The following PRKN variants were observed in gnomAD, a reference collection of about 807,000 sequenced individuals.
PRKN encodes the protein parkin RBR E3 ubiquitin protein ligase.
Under a neutral mutation model 59.5 loss-of-function variants are expected in PRKN, and 56 were observed. The ratio of observed to expected loss-of-function variants is 0.94; its 90% CI spans 0.76 to 1.18. The LOEUF (loss-of-function observed/expected upper bound fraction) is 1.18. PRKN is among the 50% of genes most tolerant of loss of function. The pLI is 0.00. For synonymous variants in PRKN, 250 were observed against 222.1 expected (o/e 1.13, Z -1.12); for missense variants, 657 against 596.4 (o/e 1.10, Z -1.06).
intron 1 of PRKN, among the ~76,000 whole-genome samples, chr6:162,581,933 C>T (rs930666076): frequency 1.3e-5 from 2 of 152,166 alleles, no homozygotes; most frequent in African/African-American, 4.8e-5. Context: ...AAAAACCCAA[C>T]AGGGAGAGGG....
At chr6:162,094,073 G>A (rs62436046) in intron 4 of PRKN, among the ~76,000 whole-genome samples, 3,878 of 152,242 alleles carry the variant, frequency 0.025, 71 homozygotes, top group African/African-American at 0.053. Flanking sequence ...TTGTCTGAGC[G>A]AGGCAGCACG....
At position 161,550,728 on chromosome 6, in the gene PRKN, TGTGTGTGCAC is replaced by T. The variant is rs758075279; in HGVS notation, c.934-1735_934-1726del. ...ACTGTGGTAGAAGAAAGGGTATGTG[TGTGTGTGCAC>T]GTGTGTGTGTGTGTGTGTGTGTGTA... On this transcript the variant is annotated intron_variant, in intron 8 of 11. Transcript: ENST00000366898. The surrounding 1 kb of genome is among the most constrained non-coding windows in gnomAD (Gnocchi z 4.0). Among the ~76,000 whole-genome samples the T allele has an allele frequency of 9.3e-5, 12 of 129,638 alleles. No individual in the cohort carries two copies. Among genetic ancestry groups the T allele is most frequent in the East Asian group, 2.3e-4 (1 of 4,286 alleles). The allele number at this position is 129,638 out of a possible 152,430, so 85.0% of individuals were successfully genotyped here.
intron 7 of PRKN, among the ~76,000 whole-genome samples, chr6:161,757,227 C>A (rs868628655): frequency 1.3e-5 from 2 of 152,116 alleles, no homozygotes; most frequent in South Asian, 4.2e-4. Flanking sequence ...AACAAGCTGG[C>A]AAATTGGATT....
Position 161,547,756 on chromosome 6 carries a change from T to C in PRKN, c.1083+1098A>G, listed in dbSNP as rs972922166. 6.6e-6 allele frequency among the ~76,000 whole-genome samples: 1 copy of C among 152,252 alleles called. No homozygotes were observed. The highest frequency in any genetic ancestry group is 1.5e-5 in the Non-Finnish European group (1 of 68,048). On this transcript the variant is annotated intron_variant, in intron 9 of 11. Coordinates refer to ENST00000366898, the MANE Select transcript of PRKN (RefSeq NM_004562.3). The surrounding 1 kb of genome is among the most constrained non-coding windows in gnomAD (Gnocchi z 4.0). ...ACTAAGGCTGGAGAGTGTGTCCTGA[T>C]TTCCATCGTCTCCAGGGAGAGTAAA...
chr6:161,519,035 C>T (rs904817481), intron 9 of PRKN, among the ~76,000 whole-genome samples: 2 of 152,156 alleles, frequency 1.3e-5, no homozygotes, highest in Non-Finnish European at 2.9e-5. Flanking sequence ...ACATTTATAG[C>T]GCAATGTACT....
intron 7 of PRKN, among the ~76,000 whole-genome samples, chr6:161,644,390 A>G (rs138016569): frequency 6.6e-6 from 1 of 152,224 alleles, no homozygotes; most frequent in South Asian, 2.1e-4. Context: ...AGAGAGTTGC[A>G]TATTAGTTAA....
intron 3 of PRKN, among the ~76,000 whole-genome samples, chr6:162,219,602 C>T (rs1187807398): frequency 2.7e-5 from 4 of 149,682 alleles, no homozygotes; most frequent in South Asian, 2.3e-4. Context: ...AATGGTCCTC[C>T]GCAGCATGGA....
chr6:161,874,218 A>T (rs182718235), intron 6 of PRKN, among the ~76,000 whole-genome samples: 2 of 37,914 alleles, frequency 5.3e-5, no homozygotes, highest in African/African-American at 2.2e-4. Flanking sequence ...GTAAAATATA[A>T]TATATATTAT....
At chr6:161,464,692 A>G (rs1790370051) in intron 9 of PRKN, among the ~76,000 whole-genome samples, 1 of 152,214 alleles carries the variant, frequency 6.6e-6, no homozygotes, top group South Asian at 2.1e-4. Flanking sequence ...TCATTAGCAG[A>G]CAAATAGAAA....
chr6:162,142,434 G>C (rs959977639), intron 4 of PRKN, among the ~76,000 whole-genome samples: 1 of 152,160 alleles, frequency 6.6e-6, no homozygotes, highest in Non-Finnish European at 1.5e-5. Flanking sequence ...TAATGGAGAT[G>C]AGCATCGTTC....
chr6:162,716,813 C>CAGA (rs1778748477), intron 1 of PRKN, among the ~76,000 whole-genome samples: 1 of 152,072 alleles, frequency 6.6e-6, no homozygotes, highest in South Asian at 2.1e-4. Flanking sequence ...CACACAGACT[C>CAGA]CTCATGTGTA....
At chr6:162,519,497 T>C (rs1390087470) in intron 1 of PRKN, among the ~76,000 whole-genome samples, 1 of 152,088 alleles carries the variant, frequency 6.6e-6, no homozygotes, top group Non-Finnish European at 1.5e-5. Flanking sequence ...TATTCTTAGG[T>C]GATGCTTAGA....
At chr6:162,094,083 G>A (rs55985710) in intron 4 of PRKN, among the ~76,000 whole-genome samples, 11,130 of 152,186 alleles carry the variant, frequency 0.073, 565 homozygotes, top group African/African-American at 0.14. Flanking sequence ...GAGGCAGCAC[G>A]TCGAGATGAG....
chr6:161,795,307 A>T (rs1236948834), intron 6 of PRKN, among the ~76,000 whole-genome samples: 1 of 139,848 alleles, frequency 7.2e-6, no homozygotes, highest in East Asian at 2.1e-4. Flanking sequence ...ATCTCGGCTC[A>T]CTGTAGCCTT....
intron 7 of PRKN, among the ~76,000 whole-genome samples, chr6:161,626,003 C>T (rs1322857939): frequency 6.6e-6 from 1 of 152,170 alleles, no homozygotes; most frequent in Non-Finnish European, 1.5e-5. Flanking sequence ...TTAAAAGCAG[C>T]AGTTTACATC....
chr6:162,622,145 G>C (rs576158115), intron 1 of PRKN, among the ~76,000 whole-genome samples: 2 of 152,144 alleles, frequency 1.3e-5, no homozygotes, highest in East Asian at 3.9e-4. Flanking sequence ...AAAAAAACAT[G>C]TTTAGGCATC....
intron 3 of PRKN, among the ~76,000 whole-genome samples, chr6:162,249,386 G>T (rs907087361): frequency 6.6e-6 from 1 of 152,086 alleles, no homozygotes; most frequent in East Asian, 1.9e-4. Context: ...TTATATATGA[G>T]AATAAATCTC....
chr6:162,388,313 G>T (rs1205828362), intron 2 of PRKN, among the ~76,000 whole-genome samples: 1 of 152,090 alleles, frequency 6.6e-6, no homozygotes, highest in East Asian at 1.9e-4. Context: ...CCCAGCACAA[G>T]GAAAGCTCCA....
chr6:162,550,467 G>A (rs1026987910), intron 1 of PRKN, among the ~76,000 whole-genome samples: 5 of 152,096 alleles, frequency 3.3e-5, no homozygotes, highest in African/African-American at 1.2e-4. Context: ...TTGGGGGATG[G>A]GCAGATGATG....
Sources: allele counts gnomAD v4.1 joint callset (sites outside exome capture counted in the v4.1 genomes callset), GRCh38; gene constraint gnomAD v4.1.1; non-coding constraint Gnocchi (gnomAD v3.1); transcripts MANE v1.5; gene names NCBI Gene and HGNC (gene_info 2026-07-23, HGNC 2026-07-21).